The following KCNJ3 variants were observed in gnomAD, a reference collection of about 807,000 sequenced individuals.
The protein encoded by KCNJ3 is G protein-activated inward rectifier potassium channel 1.
In KCNJ3, 4 loss-of-function variants were observed where a neutral mutation model predicts 39.2. The observed-to-expected ratio is 0.10, with a 90% CI of 0.05 to 0.23. The LOEUF is 0.23. KCNJ3 is among the 10% of genes least tolerant of loss of function. The pLI is 1.00. For synonymous variants in KCNJ3, 230 were observed against 237.4 expected (o/e 0.97, Z 0.29); for missense variants, 276 against 634.9 (o/e 0.43, Z 6.08).
chr2:154,783,308 A>T (rs1347794137), intron 2 of KCNJ3, among the ~76,000 whole-genome samples: 1 of 152,198 alleles, frequency 6.6e-6, no homozygotes, highest in African/African-American at 2.4e-5. Context: ...TCTTCCGTGC[A>T]TTTTGCATAA....
At chr2:154,729,792 C>T (rs1318443524) in intron 2 of KCNJ3, among the ~76,000 whole-genome samples, 4 of 151,970 alleles carry the variant, frequency 2.6e-5, no homozygotes, top group Non-Finnish European at 5.9e-5. Flanking sequence ...ATAAAGCAAA[C>T]TGTAATGAAA....
At chr2:154,704,266 G>A (rs1048694746) in intron 1 of KCNJ3, among the ~76,000 whole-genome samples, 3 of 152,068 alleles carry the variant, frequency 2.0e-5, no homozygotes, top group Non-Finnish European at 4.4e-5. Flanking sequence ...ATAAACAGCA[G>A]TAGGTAAGAA....
intron 2 of KCNJ3, among the ~76,000 whole-genome samples, chr2:154,802,281 A>G (rs1033413585): frequency 1.3e-5 from 2 of 151,934 alleles, no homozygotes; most frequent in African/African-American, 2.4e-5. Flanking sequence ...AATGTGCTGT[A>G]ATGTTCCATA....
intron 2 of KCNJ3, among the ~76,000 whole-genome samples, chr2:154,720,717 A>G (rs898451617): frequency 1.3e-5 from 2 of 152,070 alleles, no homozygotes; most frequent in African/African-American, 4.8e-5. Context: ...GTGGGAAGGG[A>G]TGAATGCATA....
At chr2:154,730,519 A>G (rs1574438342) in intron 2 of KCNJ3, among the ~76,000 whole-genome samples, 1 of 152,170 alleles carries the variant, frequency 6.6e-6, no homozygotes, top group South Asian at 2.1e-4. Flanking sequence ...AAGCTAACTT[A>G]AGTAGGAAAA....
At chr2:154,731,015 A>G (rs1461502414) in intron 2 of KCNJ3, among the ~76,000 whole-genome samples, 1 of 152,162 alleles carries the variant, frequency 6.6e-6, no homozygotes, top group Non-Finnish European at 1.5e-5. Flanking sequence ...ATAATACTAG[A>G]AGAATGCCGA....
chr2:154,808,482 G>C (rs1371001403), intron 2 of KCNJ3, among the ~76,000 whole-genome samples: 1 of 152,060 alleles, frequency 6.6e-6, no homozygotes, highest in Non-Finnish European at 1.5e-5. Context: ...CACTCAGTTA[G>C]TGATCATTAT....
intron 2 of KCNJ3, among the ~76,000 whole-genome samples, chr2:154,731,719 A>T (rs1205803962): frequency 6.6e-6 from 1 of 151,660 alleles, no homozygotes; most frequent in Non-Finnish European, 1.5e-5. Flanking sequence ...TCTGGAAAAA[A>T]AAAGAGAGAC....
intron 2 of KCNJ3, among the ~76,000 whole-genome samples, chr2:154,766,676 C>G (rs868494172): frequency 6.6e-6 from 1 of 152,082 alleles, no homozygotes; most frequent in African/African-American, 2.4e-5. Context: ...CTGCCTCAGC[C>G]TCCTTAGTAG....
intron 2 of KCNJ3, among the ~76,000 whole-genome samples, chr2:154,785,964 C>G (rs145801221): frequency 1.8e-4 from 28 of 152,282 alleles, no homozygotes; most frequent in African/African-American, 6.0e-4. Flanking sequence ...ATAACAGTCA[C>G]TTTTGAGGTA....
At chr2:154,806,410 C>G (rs1368190201) in intron 2 of KCNJ3, among the ~76,000 whole-genome samples, 1 of 152,116 alleles carries the variant, frequency 6.6e-6, no homozygotes, top group East Asian at 1.9e-4. Flanking sequence ...ACTTTTTGAG[C>G]AAGGATCAAA....
chr2:154,827,848 C>T (rs1687295651), intron 2 of KCNJ3, among the ~76,000 whole-genome samples: 2 of 151,970 alleles, frequency 1.3e-5, no homozygotes, highest in Non-Finnish European at 2.9e-5. Flanking sequence ...CATAGAGTAC[C>T]TTATTAGCAT....
chr2:154,832,975 G>C (rs185547819), intron 2 of KCNJ3, among the ~76,000 whole-genome samples: 2 of 152,206 alleles, frequency 1.3e-5, no homozygotes, highest in Non-Finnish European at 2.9e-5. Context: ...ACAAATTTCA[G>C]AACAACAAAA....
chr2:154,777,159 C>T (rs1686351967), intron 2 of KCNJ3, among the ~76,000 whole-genome samples: 1 of 152,194 alleles, frequency 6.6e-6, no homozygotes, highest in South Asian at 2.1e-4. Flanking sequence ...ACATAATGCA[C>T]ATACATGAAA....
chr2:154,835,524 TA>T (rs1687445339), intron 2 of KCNJ3, among the ~76,000 whole-genome samples: 1 of 142,166 alleles, frequency 7.0e-6, no homozygotes, highest in African/African-American at 2.7e-5. Context: ...TATATATGAA[TA>T]TATATTTTCT....
At chr2:154,760,734 TC>T (rs369854672) in intron 2 of KCNJ3, among the ~76,000 whole-genome samples, 3 of 142,506 alleles carry the variant, frequency 2.1e-5, no homozygotes, top group South Asian at 2.1e-4. Context: ...TTCTTTTTTT[TC>T]TTTTTTTTTT....
intron 2 of KCNJ3, among the ~76,000 whole-genome samples, chr2:154,833,341 G>C (rs1442152673): frequency 1.3e-5 from 2 of 152,106 alleles, no homozygotes; most frequent in African/African-American, 4.8e-5. Flanking sequence ...TTCTGTTTTT[G>C]TTATTTAAAT....
intron 2 of KCNJ3, among the ~76,000 whole-genome samples, chr2:154,768,668 G>A (rs928270397): frequency 3.3e-5 from 5 of 152,162 alleles, no homozygotes; most frequent in African/African-American, 7.2e-5. Flanking sequence ...TTGGCAATGC[G>A]GGCTCTTTTT....
At position 154,706,550 on chromosome 2, in the gene KCNJ3, C is replaced by T. The variant is rs115615940; in HGVS notation, c.703-3053C>T. Among the ~76,000 whole-genome samples, 1,240 of 152,174 alleles carry T rather than the reference C, an allele frequency of 8.1e-3. 12 individuals carry two copies. The highest frequency in any genetic ancestry group is 0.028 in the African/African-American group (1,162 of 41,534). On this transcript the variant is annotated intron_variant, in intron 1 of 2. Coordinates refer to ENST00000295101, the MANE Select transcript of KCNJ3 (RefSeq NM_002239.4). ...CTCATCTTTATTTTTCTTTCACTTTCATATACATGTATTTATCACAGTTCC... is the reference window on the plus strand; with the variant it reads ...CTCATCTTTATTTTTCTTTCACTTTTATATACATGTATTTATCACAGTTCC...
Sources: gnomAD v4.1 joint callset for allele counts (sites outside exome capture counted in the v4.1 genomes callset) on GRCh38, gnomAD v4.1.1 for gene constraint, MANE v1.5 for transcripts, NCBI Gene and HGNC (gene_info 2026-07-23, HGNC 2026-07-21) for gene names.